PLXNA2: variants seen among roughly 807,000 people sequenced by gnomAD.
PLXNA2 encodes plexin A2.
In PLXNA2, 91 loss-of-function variants were observed where a neutral mutation model predicts 193.5. The observed-to-expected ratio is 0.47, with a 90% CI of 0.40 to 0.56. PLXNA2 has a LOEUF of 0.56. Ranked by LOEUF, PLXNA2 falls within the 20% of genes least tolerant of loss-of-function variation. PLXNA2 has a pLI of 0.00. For missense variants in PLXNA2, 1,995 were observed against 2,503.2 expected (o/e 0.80, Z 4.33); for synonymous variants, 997 against 1,027.3 (o/e 0.97, Z 0.56).
intron 4 of PLXNA2, among the ~76,000 whole-genome samples, chr1:208,138,597 T>C (rs186754092): frequency 4.6e-5 from 7 of 152,312 alleles, no homozygotes; most frequent in Admixed American, 3.9e-4. Flanking sequence ...TTAAGAACAT[T>C]ATGCTGACCG....
intron 13 of PLXNA2, among the ~76,000 whole-genome samples, chr1:208,057,415 T>C (rs1418715966): frequency 1.3e-5 from 2 of 152,306 alleles, no homozygotes; most frequent in South Asian, 2.1e-4. Flanking sequence ...GAAGGGACAG[T>C]ATGGATATGG....
chr1:208,155,848 C>A (rs1049945470), intron 3 of PLXNA2, among the ~76,000 whole-genome samples: 3 of 152,128 alleles, frequency 2.0e-5, no homozygotes, highest in African/African-American at 2.4e-5. Context: ...ATCTTCACCC[C>A]CTCTTGCTAT....
At chr1:208,193,099 A>G (rs1670237152) in intron 3 of PLXNA2, among the ~76,000 whole-genome samples, 1 of 152,174 alleles carries the variant, frequency 6.6e-6, no homozygotes, top group African/African-American at 2.4e-5. Context: ...AACTACCGCA[A>G]TATCCTCTTC....
intron 4 of PLXNA2, among the ~76,000 whole-genome samples, chr1:208,106,048 G>A (rs988086330): frequency 4.2e-5 from 6 of 141,324 alleles, no homozygotes; most frequent in Admixed American, 1.5e-4. Flanking sequence ...TATTTTTCCT[G>A]TTTCCTGGGC....
At chr1:208,174,424 G>T (rs75470699) in intron 3 of PLXNA2, among the ~76,000 whole-genome samples, 3 of 151,872 alleles carry the variant, frequency 2.0e-5, no homozygotes, top group African/African-American at 4.8e-5. Flanking sequence ...GGGGTGGGAG[G>T]AGGTAAGGGC....
chr1:208,099,191 A>T (rs1315089997), intron 5 of PLXNA2, among the ~76,000 whole-genome samples: 1 of 152,230 alleles, frequency 6.6e-6, no homozygotes, highest in Non-Finnish European at 1.5e-5. Flanking sequence ...AACATGAGAG[A>T]TCCAGTTTCG....
chr1:208,163,828 G>T (rs1445104599), intron 3 of PLXNA2, among the ~76,000 whole-genome samples: 4 of 152,172 alleles, frequency 2.6e-5, no homozygotes, highest in East Asian at 3.9e-4. Flanking sequence ...GGTGTCCCCA[G>T]TGCTGAACAC....
chr1:208,101,326 C>T (rs1667090274), intron 5 of PLXNA2, among the ~76,000 whole-genome samples: 1 of 152,198 alleles, frequency 6.6e-6, no homozygotes, highest in Non-Finnish European at 1.5e-5. Flanking sequence ...GCTGCAGCTT[C>T]CCCCATCTCC....
At chr1:208,102,611 C>A (rs1264616192) in intron 5 of PLXNA2, among the ~76,000 whole-genome samples, 2 of 152,194 alleles carry the variant, frequency 1.3e-5, no homozygotes. Flanking sequence ...TTCCTTATTA[C>A]CAAAGCATTT....
intron 4 of PLXNA2, among the ~76,000 whole-genome samples, chr1:208,128,695 C>CTTTTTTTTTT (rs34853346): frequency 2.2e-4 from 18 of 81,650 alleles, no homozygotes; most frequent in East Asian, 1.1e-3. Flanking sequence ...CTGTTTCTTT[C>CTTTTTTTTTT]TTTTTTTTTT....
In PLXNA2 at chr1:208,038,759, G is replaced by T; in HGVS notation, c.4660+66C>A. The T allele has an allele frequency of 6.6e-7, 1 of 1,511,596 alleles. No homozygotes were observed. Among genetic ancestry groups the T allele is most frequent in the Non-Finnish European group, 9.1e-7 (1 of 1,098,056 alleles). The allele number at this position is 1,511,596 out of a possible 1,614,324, so 93.6% of individuals were successfully genotyped here. ...AGTCATGCCCCTGCAAGGGTTGTGT[G>T]CATGGCAGCTTCCCTTCCTTCACCT... On this transcript the variant is annotated intron_variant, in intron 25 of 31. Transcript: ENST00000367033. This position sits in a 1 kb window ranked among gnomAD's most constrained non-coding sequence, Gnocchi z 4.1.
At chr1:208,201,774 G>C (rs1254588669) in intron 3 of PLXNA2, among the ~76,000 whole-genome samples, 1 of 152,082 alleles carries the variant, frequency 6.6e-6, no homozygotes, top group Admixed American at 6.5e-5. Flanking sequence ...AAGTTCACAA[G>C]TTAAGTCACA....
At chr1:208,097,186 C>T (rs767034359) in intron 6 of PLXNA2, among the ~76,000 whole-genome samples, 2 of 152,164 alleles carry the variant, frequency 1.3e-5, no homozygotes, top group Non-Finnish European at 2.9e-5. Context: ...CCATCTAAGC[C>T]CCTGTTCATT....
chr1:208,141,715 T>C (rs1346968887), intron 4 of PLXNA2, among the ~76,000 whole-genome samples: 1 of 152,166 alleles, frequency 6.6e-6, no homozygotes, highest in African/African-American at 2.4e-5. Flanking sequence ...ATTTGCCTTC[T>C]CTCTACTCAC....
chr1:208,051,546 T>G, intron 15 of PLXNA2, 123 bp from the exon 16 acceptor site: 2 of 698,944 alleles, frequency 2.9e-6, no homozygotes, highest in Non-Finnish European at 4.8e-6. Context: ...CTCATCCTTT[T>G]ATATTCTACA....
intron 29 of PLXNA2, chr1:208,030,399 T>C: frequency 1.0e-6 from 1 of 985,640 alleles, no homozygotes; most frequent in Non-Finnish European, 1.2e-6. Context: ...TGAAGTGCCC[T>C]CTCCCAGCGC....
intron 3 of PLXNA2, among the ~76,000 whole-genome samples, chr1:208,143,591 G>A (rs948350327): frequency 1.3e-5 from 2 of 152,126 alleles, no homozygotes; most frequent in African/African-American, 2.4e-5. Context: ...TAGTTTTCTA[G>A]TAGCTGACTC....
Position 208,046,134 on chromosome 1 carries a change from G to A in PLXNA2, c.3256-17C>T, listed in dbSNP as rs190574240. On this transcript the variant is annotated splice_polypyrimidine_tract_variant and intron_variant, in intron 17 of 31. Transcript: ENST00000367033. ...TTTACACACCTAAGAGATCCAGAGC[G>A]CAGCATTCACACACGGAGTGCCTGG... 6.8e-5 allele frequency: 109 copies of A among 1,608,518 alleles called. No individual in the cohort carries two copies. The East Asian group carries it at 1.1e-3, about 16-fold the overall frequency.
intron 4 of PLXNA2, among the ~76,000 whole-genome samples, chr1:208,124,360 G>A (rs1033726424): frequency 2.0e-5 from 3 of 152,102 alleles, no homozygotes; most frequent in South Asian, 4.2e-4. Flanking sequence ...ATGTACCCCC[G>A]AACCTTAAAT....
Sources: gnomAD v4.1 joint callset for allele counts (sites outside exome capture counted in the v4.1 genomes callset) on GRCh38, gnomAD v4.1.1 for gene constraint, Gnocchi (gnomAD v3.1) non-coding constraint, MANE v1.5 for transcripts, NCBI Gene and HGNC (gene_info 2026-07-23, HGNC 2026-07-21) for gene names.